CADM2: variants seen among roughly 807,000 people sequenced by gnomAD.
CADM2 encodes cell adhesion molecule 2.
In CADM2, 12 loss-of-function variants were observed where a neutral mutation model predicts 49.8. The observed-to-expected ratio is 0.24, with a 90% CI of 0.15 to 0.39. CADM2 has a LOEUF of 0.39. Among genes scored for constraint, CADM2 ranks in the 10% least tolerant of loss-of-function variants. The probability of loss-of-function intolerance (pLI) is 1.00; values close to 1 mark genes in which losing one functional copy is unlikely to be tolerated. For missense variants in CADM2, 378 were observed against 492.3 expected (o/e 0.77, Z 2.20); for synonymous variants, 214 against 175.4 (o/e 1.22, Z -1.74).
chr3:85,315,453 TTGAAATTTGAAAGAGTAAAAC>T (rs2044443999), intron 1 of CADM2, among the ~76,000 whole-genome samples: 1 of 152,124 alleles, frequency 6.6e-6, no homozygotes, highest in Admixed American at 6.6e-5. Flanking sequence ...AAAACAAAAT[TTGAAATTTGAAAGAGTAAAAC>T]TAAATAGCAA....
intron 8 of CADM2, among the ~76,000 whole-genome samples, chr3:86,035,662 A>G (rs1735071869): frequency 6.6e-6 from 1 of 151,996 alleles, no homozygotes; most frequent in African/African-American, 2.4e-5. Flanking sequence ...ATAGCTCTTG[A>G]TTTCCAGCTC....
intron 1 of CADM2, among the ~76,000 whole-genome samples, chr3:85,073,903 T>A (rs1007932800): frequency 1.3e-5 from 2 of 152,150 alleles, no homozygotes; most frequent in Non-Finnish European, 2.9e-5. Context: ...TTTGCAAATA[T>A]ATTTTAAAAT....
At chr3:85,436,177 T>C (rs2036920334) in intron 1 of CADM2, among the ~76,000 whole-genome samples, 1 of 152,156 alleles carries the variant, frequency 6.6e-6, no homozygotes, top group Non-Finnish European at 1.5e-5. Flanking sequence ...TTATTCTCTT[T>C]GTAGCAATGG....
At chr3:85,850,437 G>T (rs1000186795) in intron 3 of CADM2, among the ~76,000 whole-genome samples, 1 of 146,388 alleles carries the variant, frequency 6.8e-6, no homozygotes, top group Non-Finnish European at 1.5e-5. Flanking sequence ...CCATTCTCCT[G>T]CCTCAGCCTC....
chr3:85,112,686 C>G (rs1280510433), intron 1 of CADM2, among the ~76,000 whole-genome samples: 2 of 151,654 alleles, frequency 1.3e-5, no homozygotes, highest in African/African-American at 4.8e-5. Flanking sequence ...CTTGAGGATT[C>G]AGGGTGAATT....
At chr3:85,102,837 A>C (rs1346014291) in intron 1 of CADM2, among the ~76,000 whole-genome samples, 1 of 152,112 alleles carries the variant, frequency 6.6e-6, no homozygotes, top group East Asian at 1.9e-4. Context: ...ATAGTAGTAT[A>C]TTTTACTTAA....
intron 1 of CADM2, among the ~76,000 whole-genome samples, chr3:85,169,956 A>G (rs1158966707): frequency 6.6e-6 from 1 of 152,198 alleles, no homozygotes; most frequent in African/African-American, 2.4e-5. Flanking sequence ...ACTGTTGAGC[A>G]AATTATTTAT....
chr3:85,348,748 A>G (rs948725156), intron 1 of CADM2, among the ~76,000 whole-genome samples: 67 of 152,298 alleles, frequency 4.4e-4, no homozygotes, highest in African/African-American at 1.6e-3. Flanking sequence ...AGTTTTACCT[A>G]AAAACTTGAA....
chr3:85,480,135 A>G (rs1004076647), intron 1 of CADM2, among the ~76,000 whole-genome samples: 1 of 151,886 alleles, frequency 6.6e-6, no homozygotes, highest in Non-Finnish European at 1.5e-5. Context: ...TGCAGAGATA[A>G]ATAGGGAGAT....
At chr3:85,366,787 C>T (rs2032818964) in intron 1 of CADM2, among the ~76,000 whole-genome samples, 2 of 151,966 alleles carry the variant, frequency 1.3e-5, no homozygotes, top group African/African-American at 2.4e-5. Context: ...TTAATATTCT[C>T]ACTGTATAAT....
At chr3:85,864,639 C>A (rs781592452) in intron 3 of CADM2, among the ~76,000 whole-genome samples, 3 of 152,152 alleles carry the variant, frequency 2.0e-5, no homozygotes, top group Non-Finnish European at 4.4e-5. Context: ...ATTCCAAGTA[C>A]AGTTCAAGTG....
intron 1 of CADM2, among the ~76,000 whole-genome samples, chr3:85,283,672 A>T (rs1035853966): frequency 6.6e-6 from 1 of 152,082 alleles, no homozygotes; most frequent in African/African-American, 2.4e-5. Context: ...TAAGTGTGAG[A>T]TGATTGAATA....
intron 1 of CADM2, among the ~76,000 whole-genome samples, chr3:85,323,729 T>G (rs1482082697): frequency 6.6e-6 from 1 of 152,200 alleles, no homozygotes. Context: ...TTAGTCTCCC[T>G]AAATATTTGT....
intron 1 of CADM2, among the ~76,000 whole-genome samples, chr3:85,550,183 T>C (rs906459146): frequency 6.6e-6 from 1 of 152,130 alleles, no homozygotes; most frequent in Non-Finnish European, 1.5e-5. Flanking sequence ...GCGTTTCTGC[T>C]CTAGTTTATT....
intron 1 of CADM2, among the ~76,000 whole-genome samples, chr3:85,529,476 A>T (rs1253581738): frequency 6.6e-6 from 1 of 152,160 alleles, no homozygotes; most frequent in Non-Finnish European, 1.5e-5. Context: ...CATATGAAAG[A>T]CCTTGTTGCT....
chr3:86,064,057 A>G (rs1467593302), intron 8 of CADM2, among the ~76,000 whole-genome samples: 1 of 150,102 alleles, frequency 6.7e-6, no homozygotes, highest in Non-Finnish European at 1.5e-5. Flanking sequence ...ATATATATAT[A>G]TACATTTTTT....
At chr3:85,809,605 G>A (rs542041849) in intron 3 of CADM2, among the ~76,000 whole-genome samples, 3 of 151,900 alleles carry the variant, frequency 2.0e-5, no homozygotes, top group Non-Finnish European at 2.9e-5. Flanking sequence ...GTTTTCTTAC[G>A]ACAAGTCTAA....
intron 1 of CADM2, among the ~76,000 whole-genome samples, chr3:85,271,857 C>T (rs1376497708): frequency 6.6e-6 from 1 of 150,906 alleles, no homozygotes; most frequent in Admixed American, 6.6e-5. Flanking sequence ...TTATTACTAC[C>T]CAAAAAGAAA....
chr3:85,291,391 C>T (rs2043792208), intron 1 of CADM2, among the ~76,000 whole-genome samples: 1 of 150,982 alleles, frequency 6.6e-6, no homozygotes, highest in South Asian at 2.1e-4. Flanking sequence ...AGAACTTCCC[C>T]AATCTAGAAA....
Sources: allele counts gnomAD v4.1 joint callset (sites outside exome capture counted in the v4.1 genomes callset), GRCh38; gene constraint gnomAD v4.1.1; transcripts MANE v1.5; gene names NCBI Gene and HGNC (gene_info 2026-07-23, HGNC 2026-07-21).